Variants in ZBBX observed in about 807,000 individuals in gnomAD.
The protein encoded by ZBBX is zinc finger B-box domain-containing protein 1.
A neutral mutation model predicts 108.5 loss-of-function variants in ZBBX; 101 were observed. That is an observed-to-expected ratio of 0.93 (90% CI 0.79 to 1.10). The LOEUF is 1.10. Among genes scored for constraint, ZBBX ranks in the 50% least tolerant of loss-of-function variants. ZBBX has a pLI of 0.00. For synonymous variants in ZBBX, 356 were observed against 323.4 expected (o/e 1.10, Z -1.08); for missense variants, 1,009 against 941.4 (o/e 1.07, Z -0.94).
At chr3:167,264,105 G>A (rs572598718) in intron 20 of ZBBX, among the ~76,000 whole-genome samples, 239 of 152,186 alleles carry the variant, frequency 1.6e-3, no homozygotes, top group African/African-American at 5.6e-3. Flanking sequence ...GTATCTTTCA[G>A]GTAAAGTAAG....
At position 167,333,792 on chromosome 3, in the gene ZBBX, G is replaced by T. The variant is rs376224789; in HGVS notation, c.687+35C>A. 32 of 1,520,300 alleles carry T rather than the reference G, an allele frequency of 2.1e-5. No homozygotes were observed. The African/African-American group carries it at 3.6e-4, about 17-fold the overall frequency. 94.2% of individuals were successfully genotyped at this position (1,520,300 alleles called of 1,614,324 possible). On this transcript the variant is annotated intron_variant, in intron 10 of 21. Transcript: ENST00000675490. ...AATGGCACCTGCCATAGTTACATAT[G>T]TCAGAAAATGTCTACTATATTTTCC...
At chr3:167,355,315 T>C (rs1743364556) in intron 8 of ZBBX, among the ~76,000 whole-genome samples, 1 of 152,014 alleles carries the variant, frequency 6.6e-6, no homozygotes, top group Admixed American at 6.6e-5. Flanking sequence ...ATATTTTACA[T>C]GTATTAACTC....
At position 167,352,233 on chromosome 3, in the gene ZBBX, C is replaced by T. The variant is rs1266609533; in HGVS notation, c.433-1718G>A. Among the ~76,000 whole-genome samples, 7 of 151,646 alleles carry T rather than the reference C, an allele frequency of 4.6e-5. No individual in the cohort carries two copies. The East Asian group carries it at 1.2e-3, about 25-fold the overall frequency. ...CTTTGAAAAAATTAATGAAATTGAT[C>T]GACCACTAGCTAGATTAAGAAAAAT... On this transcript the variant is annotated intron_variant, in intron 8 of 21. Transcript: ENST00000675490.
At chr3:167,266,697 A>G (rs1725561669) in intron 20 of ZBBX, among the ~76,000 whole-genome samples, 1 of 152,236 alleles carries the variant, frequency 6.6e-6, no homozygotes, top group African/African-American at 2.4e-5. Flanking sequence ...TGCACTTGCA[A>G]TCTTGATTGA....
intron 20 of ZBBX, among the ~76,000 whole-genome samples, chr3:167,261,353 A>G (rs1260983627): frequency 6.7e-6 from 1 of 148,976 alleles, no homozygotes; most frequent in Non-Finnish European, 1.5e-5. Context: ...GTGTGGTAGT[A>G]TGGGGGAGGA....
chr3:167,364,455 C>A (rs908125173), intron 6 of ZBBX, among the ~76,000 whole-genome samples: 1 of 152,020 alleles, frequency 6.6e-6, no homozygotes, highest in Non-Finnish European at 1.5e-5. Flanking sequence ...TCTTTTTCTT[C>A]TCAATCTCTC....
chr3:167,262,475 A>G (rs1251778283), intron 20 of ZBBX, among the ~76,000 whole-genome samples: 1 of 152,140 alleles, frequency 6.6e-6, no homozygotes, highest in East Asian at 1.9e-4. Context: ...AGAATTCATC[A>G]GTGAAACCAT....
intron 20 of ZBBX, among the ~76,000 whole-genome samples, chr3:167,280,346 C>T (rs77031888): frequency 0.4 from 59,626 of 150,642 alleles, 11,919 homozygotes; most frequent in Non-Finnish European, 0.43. Flanking sequence ...ATTTTTGCAA[C>T]CTACTCATCT....
rs1354545767 is a variant in ZBBX, at chr3:167,314,055, G to A, written c.1336C>T (p.His446Tyr). 1 of 1,606,180 alleles carries A rather than the reference G, an allele frequency of 6.2e-7. No homozygotes were observed. The highest frequency in any genetic ancestry group is 8.5e-7 in the Non-Finnish European group (1 of 1,176,126). Residue 446 changes from histidine to tyrosine, a missense_variant, in exon 16 of 22, where the codon CAT (histidine) becomes TAT (tyrosine). His to Tyr is a moderately conservative substitution (Grantham distance 83, BLOSUM62 2). Coordinates refer to ENST00000675490, the MANE Select transcript of ZBBX (RefSeq NM_001199201.2). ...TCTCTCTTTCCCTTATCGAAAACAT[G>A]ATGTTGATGGATGCCATTTTCATAT... ...FPYENGIHQH[H>Y]VFDKGKRDFL...
chr3:167,182,828 C>T, the ZBBX span, among the ~76,000 whole-genome samples: 28 of 152,084 alleles, frequency 1.8e-4, no homozygotes, highest in African/African-American at 6.3e-4. Context: ...TGATTAATAG[C>T]TTGTTTAAAT....
At chr3:167,333,185 A>G (rs1738956645) in intron 10 of ZBBX, among the ~76,000 whole-genome samples, 1 of 152,022 alleles carries the variant, frequency 6.6e-6, no homozygotes, top group South Asian at 2.1e-4. Flanking sequence ...TCAAAATATA[A>G]CAAGCAGAAT....
the ZBBX span, among the ~76,000 whole-genome samples, chr3:167,227,648 A>T: frequency 6.6e-6 from 1 of 151,694 alleles, no homozygotes; most frequent in Non-Finnish European, 1.5e-5. Flanking sequence ...CACAGTACAA[A>T]ATTATACAAG....
chr3:167,369,826 CA>C, intron 4 of ZBBX, among the ~76,000 whole-genome samples: 1 of 152,002 alleles, frequency 6.6e-6, no homozygotes, highest in Admixed American at 6.6e-5. Context: ...AGGACTTAGC[CA>C]GTCAAAGGGA....
intron 17 of ZBBX, among the ~76,000 whole-genome samples, chr3:167,298,745 G>C (rs1222680011): frequency 6.6e-6 from 1 of 151,912 alleles, no homozygotes; most frequent in African/African-American, 2.4e-5. Context: ...TCATCCCTCA[G>C]TGTCTTTGCA....
chr3:167,196,399 A>G, the ZBBX span, among the ~76,000 whole-genome samples: 1 of 152,224 alleles, frequency 6.6e-6, no homozygotes, highest in Non-Finnish European at 1.5e-5. Flanking sequence ...CTTAAATAGT[A>G]AAACATACCA....
intron 5 of ZBBX, among the ~76,000 whole-genome samples, chr3:167,367,094 G>T (rs1745437572): frequency 6.6e-6 from 1 of 151,874 alleles, no homozygotes; most frequent in Non-Finnish European, 1.5e-5. Flanking sequence ...GTACTTCTAG[G>T]TATTTGATGG....
At chr3:167,267,144 C>T (rs116752560) in intron 20 of ZBBX, among the ~76,000 whole-genome samples, 108 of 152,316 alleles carry the variant, frequency 7.1e-4, no homozygotes, top group African/African-American at 2.4e-3. Context: ...GTCCAATCTG[C>T]GGTTCCACGG....
rs532220718 is a variant in ZBBX at position 167,279,444 on chromosome 3, A to T, written c.2254+2794T>A. 3.8e-3 allele frequency among the ~76,000 whole-genome samples: 583 copies of T among 152,154 alleles called. 6 individuals are homozygous for T. Among genetic ancestry groups the T allele is most frequent in the African/African-American group, 0.013 (553 of 41,464 alleles). On this transcript the variant is annotated intron_variant, in intron 20 of 21. Coordinates refer to ENST00000675490, the MANE Select transcript of ZBBX (RefSeq NM_001199201.2). Reference sequence around the variant, plus strand: ...GTACAAAAATCACAAGCATTCTTCTACACCAATAACAGACAAACAGAGAGC... The same window carrying T: ...GTACAAAAATCACAAGCATTCTTCTTCACCAATAACAGACAAACAGAGAGC...
chr3:167,186,922 T>G, the ZBBX span, among the ~76,000 whole-genome samples: 41 of 152,234 alleles, frequency 2.7e-4, no homozygotes, highest in Non-Finnish European at 5.6e-4. Context: ...TTTTAAATTT[T>G]ACCTATTCAT....
Sources: allele counts gnomAD v4.1 joint callset (sites outside exome capture counted in the v4.1 genomes callset), GRCh38; gene constraint gnomAD v4.1.1; transcripts MANE v1.5; gene names NCBI Gene and HGNC (gene_info 2026-07-23, HGNC 2026-07-21).